NTMT1: variants seen among roughly 807,000 people sequenced by gnomAD.
NTMT1 encodes the protein N-terminal Xaa-Pro-Lys N-methyltransferase 1, also known as N-terminal RCC1 methyltransferase.
NTMT1 carries 8 observed loss-of-function variants against 17.5 expected under a neutral mutation model. The observed-to-expected ratio is 0.46, with a 90% CI of 0.27 to 0.82. The LOEUF (loss-of-function observed/expected upper bound fraction) is 0.82, where lower values mean the gene tolerates loss of function less well. NTMT1 is among the 40% of genes least tolerant of loss of function. NTMT1 has a pLI of 0.15. For synonymous variants in NTMT1, 128 were observed against 126.8 expected (o/e 1.01, Z -0.06); for missense variants, 221 against 303.5 (o/e 0.73, Z 2.02).
chr9:129,630,988 C>T (rs555710580), intron 1 of NTMT1, among the ~76,000 whole-genome samples: 98 of 152,326 alleles, frequency 6.4e-4, no homozygotes, highest in African/African-American at 2.2e-3. Flanking sequence ...AGCATGCACT[C>T]GAGGCCACCC....
intron 1 of NTMT1, among the ~76,000 whole-genome samples, chr9:129,610,189 G>A (rs1443571948): frequency 7.6e-6 from 1 of 130,852 alleles, no homozygotes; most frequent in South Asian, 2.8e-4. Context: ...CACAGGGGAG[G>A]GGGGAGGAGG....
chr9:129,619,531 T>C (rs1262274826), intron 1 of NTMT1: 1 of 1,613,624 alleles, frequency 6.2e-7, no homozygotes, highest in Admixed American at 1.7e-5. Context: ...GGTTGGCCTT[T>C]CTGACAGTGG....
At chr9:129,618,868 GTT>G (rs34259203) in intron 1 of NTMT1, among the ~76,000 whole-genome samples, 23,571 of 128,254 alleles carry the variant, frequency 0.18, 1,928 homozygotes, top group Middle Eastern at 0.26. Context: ...AATTTTTTGT[GTT>G]TTTTTTTTTT....
At position 129,627,113 on chromosome 9, in the gene NTMT1, C is replaced by T. The variant is rs967121374; in HGVS notation, c.-55+818C>T. 3.3e-5 allele frequency among the ~76,000 whole-genome samples: 5 copies of T among 152,330 alleles called. No homozygotes were observed. In the South Asian group the frequency reaches 6.2e-4, roughly 19 times the overall value. On this transcript the variant is annotated intron_variant, in intron 1 of 3. Transcript: ENST00000372483. Reference sequence around the variant, plus strand: ...TGTTTGTATGTTTAAAGACACGTCACTTCCTTTAGTGTGCTGGTTTTTCTC... The same window carrying T: ...TGTTTGTATGTTTAAAGACACGTCATTTCCTTTAGTGTGCTGGTTTTTCTC...
Position 129,635,624 on chromosome 9 carries a change from C to G in NTMT1, c.*160C>G. 1.1e-6 allele frequency: 1 copy of G among 906,274 alleles called. No homozygotes were observed. Among genetic ancestry groups the G allele is most frequent in the Non-Finnish European group, 1.7e-6 (1 of 595,436 alleles). The allele number at this position is 906,274 out of a possible 1,614,324, so 56.1% of individuals were successfully genotyped here. A position where few individuals can be genotyped will look rare whatever the true frequency, so the allele number is the denominator to read the frequency against. On this transcript the variant is annotated 3_prime_UTR_variant, in exon 4 of 4. Coordinates refer to ENST00000372483, the MANE Select transcript of NTMT1 (RefSeq NM_014064.4). ...ATTATGCGGGCTCTTCTTCAAAAGG[C>G]AAGGTGGGACCCGGCGGGGAGGGTG...
intron 1 of NTMT1, chr9:129,612,494 C>T: frequency 6.5e-7 from 1 of 1,538,114 alleles, no homozygotes; most frequent in Non-Finnish European, 8.9e-7. Flanking sequence ...CTACCAGGAC[C>T]TCGGGGCAGG....
In NTMT1 at chr9:129,620,694, C is replaced by G; in HGVS notation, c.-55+11516C>G. On this transcript the variant is annotated intron_variant, in intron 1 of 3. Transcript: ENST00000372486. The surrounding 1 kb of genome is among the most constrained non-coding windows in gnomAD (Gnocchi z 5.8). Reference sequence around the variant, plus strand: ...GTGCCCCGGGCGGGGCAGCGCGGTGCGGGGTGAACGCCACCGGCCCGGCGG... The same window carrying G: ...GTGCCCCGGGCGGGGCAGCGCGGTGGGGGGTGAACGCCACCGGCCCGGCGG... 4.3e-6 allele frequency: 4 copies of G among 924,518 alleles called. No homozygotes were observed. The highest frequency in any genetic ancestry group is 3.3e-5 in the East Asian group (1 of 30,124). The allele number at this position is 924,518 out of a possible 1,614,324, so 57.3% of individuals were successfully genotyped here. A position where few individuals can be genotyped will look rare whatever the true frequency, so the allele number is the denominator to read the frequency against.
intron 2 of NTMT1, chr9:129,633,139 GC>G (rs1435414782): frequency 2.1e-6 from 1 of 487,084 alleles, no homozygotes; most frequent in Non-Finnish European, 3.6e-6. Context: ...GTTGGGTTTT[GC>G]CAGGGACGAA....
chr9:129,628,275 C>T lies in NTMT1; in HGVS notation c.-55+1980C>T, dbSNP rs116656924. Reference sequence around the variant, plus strand: ...ACGAGGCAAAATGTAGCCAGGACCCCAGGAATCCCGTTTATTAATGAATCA... The same window carrying T: ...ACGAGGCAAAATGTAGCCAGGACCCTAGGAATCCCGTTTATTAATGAATCA... On this transcript the variant is annotated intron_variant, in intron 1 of 3. Coordinates refer to ENST00000372483, the MANE Select transcript of NTMT1 (RefSeq NM_014064.4). Among the ~76,000 whole-genome samples, 1,461 of 152,304 alleles carry T rather than the reference C, an allele frequency of 9.6e-3. 19 individuals carry two copies. The highest frequency in any genetic ancestry group is 0.033 in the African/African-American group (1,376 of 41,552).
chr9:129,632,372 A>C (rs1421869277), intron 1 of NTMT1, among the ~76,000 whole-genome samples: 2 of 152,188 alleles, frequency 1.3e-5, no homozygotes, highest in Admixed American at 1.3e-4. Context: ...TGAGCTCGGG[A>C]GTTGGAGGCT....
In NTMT1 at chr9:129,620,098, C is replaced by G; in HGVS notation, c.-55+10920C>G. On this transcript the variant is annotated intron_variant, in intron 1 of 3. Coordinates refer to the NTMT1 transcript ENST00000372486. This position sits in a 1 kb window ranked among gnomAD's most constrained non-coding sequence, Gnocchi z 5.8. ...GCTCCGGCTCCTCGGCGCACTTCTC[C>G]TGGAGCTGGTGCAGGAACTCACGGA... 1 of 1,452,124 alleles carries G rather than the reference C, an allele frequency of 6.9e-7. No individual in the cohort carries two copies. The highest frequency in any genetic ancestry group is 9.1e-7 in the Non-Finnish European group (1 of 1,100,106). 90.0% of individuals were successfully genotyped at this position (1,452,124 alleles called of 1,614,324 possible).
At chr9:129,635,178 C>A in intron 3 of NTMT1, 30 bp from the exon 4 acceptor site, 1 of 1,592,038 alleles carries the variant, frequency 6.3e-7, no homozygotes, top group Admixed American at 1.7e-5. Flanking sequence ...TTGCATGGTG[C>A]CCTGGTAACC....
intron 2 of NTMT1, chr9:129,633,302 C>T (rs1484455416): frequency 1.3e-5 from 4 of 312,548 alleles, no homozygotes; most frequent in African/African-American, 6.4e-5. Context: ...CTGGAGCCCC[C>T]CACCTTCTTG....
chr9:129,612,292 G>C, intron 1 of NTMT1: 1 of 1,458,280 alleles, frequency 6.9e-7, no homozygotes, highest in Non-Finnish European at 9.5e-7. Flanking sequence ...GGGCAAGGAA[G>C]GACGCTCCTC....
intron 2 of NTMT1, 90 bp from the exon 3 acceptor site, chr9:129,633,964 G>A: frequency 6.9e-7 from 1 of 1,446,108 alleles, no homozygotes; most frequent in Non-Finnish European, 9.3e-7. Context: ...CTGGAATCCT[G>A]ACTTGAGTCT....
intron 1 of NTMT1, among the ~76,000 whole-genome samples, chr9:129,610,379 C>T (rs1424359863): frequency 6.6e-6 from 1 of 151,718 alleles, no homozygotes; most frequent in Non-Finnish European, 1.5e-5. Context: ...GAGACCCGCC[C>T]CGGGGGCTCC....
intron 3 of NTMT1, 31 bp downstream of exon 3, chr9:129,634,337 CTGTA>C: frequency 6.4e-7 from 1 of 1,559,034 alleles, no homozygotes; most frequent in Non-Finnish European, 8.7e-7. Flanking sequence ...CCCTGCTCAC[CTGTA>C]TGTCTCCTGC....
At chr9:129,622,465 C>A (rs1165899066), upstream of NTMT1, among the ~76,000 whole-genome samples, 2 of 152,098 alleles carry the variant, frequency 1.3e-5, no homozygotes, top group Non-Finnish European at 2.9e-5. Context: ...TGCACTCCAG[C>A]CTGGGTGACA....
chr9:129,615,624 G>T, intron 1 of NTMT1: 2 of 1,585,630 alleles, frequency 1.3e-6, no homozygotes, highest in Admixed American at 1.8e-5. Context: ...CTTGAGCCTG[G>T]GGACCTGTGC....
Sources: gnomAD v4.1 joint callset for allele counts (sites outside exome capture counted in the v4.1 genomes callset) on GRCh38, gnomAD v4.1.1 for gene constraint, Gnocchi (gnomAD v3.1) non-coding constraint, MANE v1.5 for transcripts, NCBI Gene and HGNC (gene_info 2026-07-23, HGNC 2026-07-21) for gene names.